The following PGGT1B variants were observed in gnomAD, a reference collection of about 807,000 sequenced individuals.
PGGT1B encodes protein geranylgeranyltransferase type I subunit beta, also known as geranylgeranyl transferase type-1 subunit beta.
Under a neutral mutation model 46.1 loss-of-function variants are expected in PGGT1B, and 30 were observed. That is an observed-to-expected ratio of 0.65 (90% CI 0.49 to 0.88). The LOEUF is 0.88. Ranked by LOEUF, PGGT1B falls within the 40% of genes least tolerant of loss-of-function variation. The probability of loss-of-function intolerance (pLI) is 0.00; values close to 1 mark genes in which losing one functional copy is unlikely to be tolerated. For synonymous variants in PGGT1B, 170 were observed against 160.0 expected (o/e 1.06, Z -0.47); for missense variants, 376 against 455.9 (o/e 0.82, Z 1.60).
At chr5:115,258,876 T>A (rs574831207) in intron 1 of PGGT1B, among the ~76,000 whole-genome samples, 1 of 152,312 alleles carries the variant, frequency 6.6e-6, no homozygotes, top group Admixed American at 6.5e-5. Flanking sequence ...TCCTCAGCTA[T>A]TGCAATATAC....
intron 7 of PGGT1B, among the ~76,000 whole-genome samples, chr5:115,220,172 CA>C (rs1756544082): frequency 6.6e-6 from 1 of 151,616 alleles, no homozygotes; most frequent in African/African-American, 2.4e-5. Context: ...GTATTATTTG[CA>C]ATAGCCAAAA....
chr5:115,260,317 A>C (rs1748500200), intron 1 of PGGT1B, among the ~76,000 whole-genome samples: 1 of 152,200 alleles, frequency 6.6e-6, no homozygotes, highest in Non-Finnish European at 1.5e-5. Flanking sequence ...TATTGGTAAA[A>C]AGAAACGAAC....
chr5:115,251,657 CTATTT>C (rs1475746265), intron 2 of PGGT1B, among the ~76,000 whole-genome samples: 1 of 151,888 alleles, frequency 6.6e-6, no homozygotes, highest in Non-Finnish European at 1.5e-5. Flanking sequence ...AAGACAATAG[CTATTT>C]TATTTCAGGA....
At position 115,207,946 on chromosome 5, in the gene PGGT1B, AC is replaced by A. The variant is rs1756111650; in HGVS notation, c.*4455del. 6.6e-6 allele frequency: 1 copy of A among 152,096 alleles called. No homozygotes were observed. The highest frequency in any genetic ancestry group is 2.4e-5 in the African/African-American group (1 of 41,452). The allele number at this position is 152,096 out of a possible 1,614,324, so 9.4% of individuals were successfully genotyped here. A position where few individuals can be genotyped will look rare whatever the true frequency, so the allele number is the denominator to read the frequency against. The stretch of plus-strand genomic sequence containing the variant: ...CATCAATTTCTACTTAGTATAGTTA[AC>A]ATAAGTGAGTGCTCAATTCTATCAT... On this transcript the variant is annotated 3_prime_UTR_variant, in exon 9 of 9. Transcript: ENST00000419445.
chr5:115,204,314 G>A lies in PGGT1B; in HGVS notation c.*8088C>T, dbSNP rs1302862212. ...GAGTTTCTAATTCAGGAGGTCTAAG[G>A]TACCGCCAGAGAATCTGCACTTTCT... On this transcript the variant is annotated 3_prime_UTR_variant, in exon 9 of 9. Coordinates refer to ENST00000419445, the MANE Select transcript of PGGT1B (RefSeq NM_005023.4). The A allele has an allele frequency of 6.6e-6, 1 of 152,074 alleles. No homozygotes were observed. The highest frequency in any genetic ancestry group is 1.5e-5 in the Non-Finnish European group (1 of 68,024). The allele number at this position is 152,074 out of a possible 1,614,324, so 9.4% of individuals were successfully genotyped here.
chr5:115,242,145 G>T (rs911442075), intron 2 of PGGT1B, among the ~76,000 whole-genome samples: 1 of 152,176 alleles, frequency 6.6e-6, no homozygotes, highest in African/African-American at 2.4e-5. Context: ...TCTGAGTCCA[G>T]TAATCCACTT....
rs992476350 is a variant in PGGT1B at position 115,209,311 on chromosome 5, C to A, written c.*3091G>T. 1.3e-5 allele frequency: 2 copies of A among 152,074 alleles called. No individual in the cohort carries two copies. Among genetic ancestry groups the A allele is most frequent in the Non-Finnish European group, 2.9e-5 (2 of 68,006 alleles). 9.4% of individuals were successfully genotyped at this position (152,074 alleles called of 1,614,324 possible). On this transcript the variant is annotated 3_prime_UTR_variant, in exon 9 of 9. Transcript: ENST00000419445. ...AGAGGTACACAGCGTAAAACCCAGA[C>A]AGCTCTAATGCAATCAGCAGACCTT...
intron 2 of PGGT1B, among the ~76,000 whole-genome samples, chr5:115,250,692 C>T (rs957769620): frequency 1.4e-4 from 21 of 152,046 alleles, no homozygotes; most frequent in Non-Finnish European, 2.4e-4. Flanking sequence ...AAAAGTACTC[C>T]TATAATAATT....
At position 115,253,272 on chromosome 5, in the gene PGGT1B, T is replaced by C; in HGVS notation, c.141-17A>G. On this transcript the variant is annotated splice_polypyrimidine_tract_variant and intron_variant, in intron 1 of 8. Transcript: ENST00000419445. ...ATTGTCAACCTAAAAGAAAAAAATG[T>C]AAAATTCCATCTTAACTATCATACC... is the stretch of plus-strand genomic sequence containing the variant. 1 of 1,566,368 alleles carries C rather than the reference T, an allele frequency of 6.4e-7. No individual in the cohort carries two copies. Among genetic ancestry groups the C allele is most frequent in the Non-Finnish European group, 8.6e-7 (1 of 1,160,272 alleles).
At chr5:115,216,718 A>C (rs1756430741) in intron 8 of PGGT1B, 147 bp downstream of exon 8, 1 of 637,456 alleles carries the variant, frequency 1.6e-6, no homozygotes, top group African/African-American at 1.9e-5. Context: ...ATTTATCCTA[A>C]GCTTACACAA....
At position 115,218,815 on chromosome 5, in the gene PGGT1B, C is replaced by T. The variant is rs145891772; in HGVS notation, c.844-1842G>A. Among the ~76,000 whole-genome samples the T allele has an allele frequency of 5.6e-3, 844 of 151,822 alleles. 8 individuals are homozygous for T. Among genetic ancestry groups the T allele is most frequent in the African/African-American group, 0.019 (803 of 41,506 alleles). On this transcript the variant is annotated intron_variant, in intron 7 of 8. Transcript: ENST00000419445. ...GTAGTTACTATAGACTAGCAATGAACAATCCAAAAGGAAATTAAGAAAGCA... is the reference window on the plus strand; with the variant it reads ...GTAGTTACTATAGACTAGCAATGAATAATCCAAAAGGAAATTAAGAAAGCA...
chr5:115,235,684 T>C (rs1757159057), intron 5 of PGGT1B, among the ~76,000 whole-genome samples: 1 of 152,138 alleles, frequency 6.6e-6, no homozygotes, highest in Non-Finnish European at 1.5e-5. Flanking sequence ...TGGTATCTTC[T>C]TTCTGTATCC....
intron 8 of PGGT1B, among the ~76,000 whole-genome samples, chr5:115,215,445 C>A (rs549044441): frequency 6.6e-6 from 1 of 151,964 alleles, no homozygotes; most frequent in Admixed American, 6.6e-5. Context: ...ATTACAGGCA[C>A]CCACCACCAC....
In PGGT1B at chr5:115,216,936, T is replaced by C; in HGVS notation, c.881A>G (p.Asn294Ser). The part of the protein sequence containing the change: ...KIFQYTNFEK[N>S]RNYILSTQDR... ...TTGAGTTGATAAGATGTAATTTCTA[T>C]TTTTCTCAAAGTTAGTGTATTGGAA... is the stretch of plus-strand genomic sequence containing the variant. Residue 294 changes from asparagine to serine, a missense_variant, in exon 8 of 9, where the codon AAT becomes AGT. Coordinates refer to ENST00000419445, the MANE Select transcript of PGGT1B (RefSeq NM_005023.4). 1 of 1,589,982 alleles carries C rather than the reference T, an allele frequency of 6.3e-7. No individual in the cohort carries two copies. Among genetic ancestry groups the C allele is most frequent in the South Asian group, 1.1e-5 (1 of 89,844 alleles).
rs116071478 is a variant in PGGT1B at position 115,217,045 on chromosome 5, C to T, written c.844-72G>A. ...CAACCTTTGGCTCAAATTTCAGATA[C>T]GTGTCATTTAGATATGCTTTTCTTT... On this transcript the variant is annotated intron_variant, in intron 7 of 8. Coordinates refer to ENST00000419445, the MANE Select transcript of PGGT1B (RefSeq NM_005023.4). 2.0e-3 allele frequency: 1,460 copies of T among 726,038 alleles called. 14 individuals are homozygous for T. The African/African-American group carries it at 0.023, about 12-fold the overall frequency. The allele number at this position is 726,038 out of a possible 1,614,324, so 45.0% of individuals were successfully genotyped here.
chr5:115,244,845 C>T (rs1025097429), intron 2 of PGGT1B, among the ~76,000 whole-genome samples: 9 of 152,118 alleles, frequency 5.9e-5, no homozygotes, highest in Non-Finnish European at 2.9e-5. Context: ...CCTGTCTTGG[C>T]CTCCCAAAGT....
chr5:115,255,209 T>C (rs1748261833), intron 1 of PGGT1B, among the ~76,000 whole-genome samples: 2 of 152,236 alleles, frequency 1.3e-5, no homozygotes. Flanking sequence ...TAGGATCTAA[T>C]CACAGTCTAT....
chr5:115,243,946 T>A (rs1413804069), intron 2 of PGGT1B, among the ~76,000 whole-genome samples: 2 of 152,196 alleles, frequency 1.3e-5, no homozygotes, highest in Non-Finnish European at 2.9e-5. Flanking sequence ...TTCTGCTCCC[T>A]TTCTCTGCAA....
At chr5:115,262,440 C>A (rs1018788010) in intron 1 of PGGT1B, 1 of 469,950 alleles carries the variant, frequency 2.1e-6, no homozygotes, top group Non-Finnish European at 3.8e-6. Flanking sequence ...GCTATGGGAG[C>A]GGGTAAAAAA....
Sources: allele counts gnomAD v4.1 joint callset (sites outside exome capture counted in the v4.1 genomes callset), GRCh38; gene constraint gnomAD v4.1.1; transcripts MANE v1.5; gene names NCBI Gene and HGNC (gene_info 2026-07-23, HGNC 2026-07-21).